The following TYW1 variants were observed in gnomAD, a reference collection of about 807,000 sequenced individuals.
The protein encoded by TYW1 is tRNA-yW synthesizing protein 1 homolog.
Under a neutral mutation model 96.2 loss-of-function variants are expected in TYW1, and 46 were observed. The observed-to-expected ratio is 0.48, with a 90% CI of 0.38 to 0.61. The LOEUF (loss-of-function observed/expected upper bound fraction) is 0.61. TYW1 is among the 20% of genes least tolerant of loss of function. The probability of loss-of-function intolerance (pLI) is 0.00; values close to 1 mark genes in which losing one functional copy is unlikely to be tolerated. For synonymous variants in TYW1, 274 were observed against 323.0 expected, an observed-to-expected ratio of 0.85 and a Z score of 1.63; for missense variants, 684 against 909.6, an observed-to-expected ratio of 0.75 and a Z score of 3.19.
chr7:67,166,836 G>A (rs560159748), intron 13 of TYW1, among the ~76,000 whole-genome samples: 2 of 152,002 alleles, frequency 1.3e-5, no homozygotes, highest in Non-Finnish European at 2.9e-5. Context: ...TTCTGTACAT[G>A]TTTTTTGATA....
chr7:67,141,246 A>T (rs1246774281), intron 13 of TYW1, among the ~76,000 whole-genome samples: 1 of 152,230 alleles, frequency 6.6e-6, no homozygotes, highest in East Asian at 1.9e-4. Flanking sequence ...GAATCAATAC[A>T]GTTTGTGCAG....
At chr7:67,069,218 A>G (rs1236350907) in intron 10 of TYW1, among the ~76,000 whole-genome samples, 2 of 152,248 alleles carry the variant, frequency 1.3e-5, no homozygotes, top group African/African-American at 4.8e-5. Context: ...ATGAAATCAG[A>G]TATTAATGGG....
intron 4 of TYW1, chr7:67,009,897 A>G (rs2129239495): frequency 3.8e-6 from 2 of 524,750 alleles, no homozygotes; most frequent in Admixed American, 4.1e-5. Flanking sequence ...TTCTTCAGGC[A>G]TGTTAAATTC....
chr7:67,012,601 T>C (rs1288393291), intron 4 of TYW1, among the ~76,000 whole-genome samples: 1 of 152,148 alleles, frequency 6.6e-6, no homozygotes, highest in Admixed American at 6.6e-5. Context: ...CACCAGGCTA[T>C]CAAGACTAAG....
At chr7:67,039,691 G>A (rs1226239066) in intron 7 of TYW1, among the ~76,000 whole-genome samples, 1 of 150,670 alleles carries the variant, frequency 6.6e-6, no homozygotes, top group East Asian at 2.0e-4. Context: ...TTGAGACAGA[G>A]TCTCACTCTG....
chr7:67,155,743 T>C (rs12530887), intron 13 of TYW1, among the ~76,000 whole-genome samples: 6,170 of 152,230 alleles, frequency 0.041, 182 homozygotes, highest in Middle Eastern at 0.1. Context: ...TTTATAGTGG[T>C]GCAAATGGAC....
At chr7:67,043,369 T>TTC (rs1225195358) in intron 7 of TYW1, among the ~76,000 whole-genome samples, 1 of 151,824 alleles carries the variant, frequency 6.6e-6, no homozygotes, top group Admixed American at 6.6e-5. Context: ...CTTTTTTTTT[T>TTC]TTTTTTCCTG....
chr7:67,039,098 G>A (rs1794933755), intron 7 of TYW1, among the ~76,000 whole-genome samples: 1 of 152,114 alleles, frequency 6.6e-6, no homozygotes, highest in Admixed American at 6.6e-5. Flanking sequence ...CTTCCATGTG[G>A]CCATGTGGTC....
At chr7:67,080,678 C>T (rs1286464944) in intron 10 of TYW1, among the ~76,000 whole-genome samples, 20 of 152,230 alleles carry the variant, frequency 1.3e-4, no homozygotes, top group Admixed American at 2.6e-4. Flanking sequence ...GGATTACAGG[C>T]GTGAGCCACC....
intron 11 of TYW1, among the ~76,000 whole-genome samples, chr7:67,095,210 G>A (rs187867257): frequency 6.6e-6 from 1 of 152,140 alleles, no homozygotes; most frequent in Admixed American, 6.5e-5. Flanking sequence ...TGTTGGCCGA[G>A]CTGGTCTTGA....
intron 6 of TYW1, among the ~76,000 whole-genome samples, chr7:67,022,683 G>T (rs556723741): frequency 1.3e-5 from 2 of 152,344 alleles, no homozygotes; most frequent in East Asian, 3.9e-4. Flanking sequence ...GACAGCTTGG[G>T]CATGAGGCTG....
At chr7:67,222,866 C>CTTTCTT (rs1350109180) in intron 15 of TYW1, among the ~76,000 whole-genome samples, 10 of 109,618 alleles carry the variant, frequency 9.1e-5, no homozygotes, top group Admixed American at 2.9e-4. Context: ...CGCTTTTTTT[C>CTTTCTT]TTTTTTTTTT....
chr7:67,110,049 G>A (rs1436111690), intron 12 of TYW1, among the ~76,000 whole-genome samples: 1 of 152,046 alleles, frequency 6.6e-6, no homozygotes, highest in Admixed American at 6.6e-5. Context: ...CTCTCACAGG[G>A]GTTGTCTTTA....
At chr7:67,227,553 G>A (rs142145409) in intron 15 of TYW1, among the ~76,000 whole-genome samples, 4 of 152,012 alleles carry the variant, frequency 2.6e-5, no homozygotes, top group Non-Finnish European at 5.9e-5. Flanking sequence ...CACCAAACCC[G>A]GCCCCCACAC....
chr7:67,229,536 C>T (rs1370525456), intron 15 of TYW1, among the ~76,000 whole-genome samples: 2 of 126,672 alleles, frequency 1.6e-5, no homozygotes, highest in South Asian at 4.8e-4. Context: ...GAGACTCCAT[C>T]TCAAAAAAAA....
At chr7:67,128,787 C>A (rs925979018) in intron 13 of TYW1, among the ~76,000 whole-genome samples, 18 of 150,536 alleles carry the variant, frequency 1.2e-4, no homozygotes, top group Non-Finnish European at 2.5e-4. Context: ...CTCCCAGGTT[C>A]AAGCAATTCT....
chr7:67,205,934 G>A (rs1449081886), intron 15 of TYW1, among the ~76,000 whole-genome samples: 4 of 152,206 alleles, frequency 2.6e-5, no homozygotes, highest in Non-Finnish European at 5.9e-5. Context: ...CCTAGCCAGT[G>A]TGCCTTCTTA....
chr7:67,065,320 T>G (rs1287825493), intron 9 of TYW1, among the ~76,000 whole-genome samples: 2 of 152,198 alleles, frequency 1.3e-5, no homozygotes, highest in East Asian at 1.9e-4. Flanking sequence ...GCCGTTGCAT[T>G]GCATTGAAGT....
At chr7:67,026,098 A>C (rs951763490) in intron 7 of TYW1, among the ~76,000 whole-genome samples, 10 of 152,102 alleles carry the variant, frequency 6.6e-5, no homozygotes, top group African/African-American at 2.4e-4. Context: ...TTTGAAATGG[A>C]GTCTCATTCT....
Sources: allele counts gnomAD v4.1 joint callset (sites outside exome capture counted in the v4.1 genomes callset), GRCh38; gene constraint gnomAD v4.1.1; transcripts MANE v1.5; gene names NCBI Gene and HGNC (gene_info 2026-07-23, HGNC 2026-07-21).